Variants in CRY1 observed in about 807,000 individuals in gnomAD.
The protein encoded by CRY1 is cryptochrome-1.
In CRY1, 45 loss-of-function variants were observed where a neutral mutation model predicts 76.0. That is an observed-to-expected ratio of 0.59 (90% CI 0.47 to 0.76). The LOEUF is 0.76. CRY1 is among the 30% of genes least tolerant of loss of function. The pLI is 0.00. For synonymous variants in CRY1, 248 were observed against 244.0 expected, an observed-to-expected ratio of 1.02 and a Z score of -0.15; for missense variants, 587 against 716.4, an observed-to-expected ratio of 0.82 and a Z score of 2.06.
chr12:107,045,894 G>A (rs1027544279), intron 1 of CRY1, among the ~76,000 whole-genome samples: 1 of 152,040 alleles, frequency 6.6e-6, no homozygotes, highest in Admixed American at 6.5e-5. Context: ...CACCAACATG[G>A]CACATGTATA....
chr12:107,058,694 G>C (rs1429480087), intron 1 of CRY1, among the ~76,000 whole-genome samples: 1 of 152,146 alleles, frequency 6.6e-6, no homozygotes, highest in Non-Finnish European at 1.5e-5. Context: ...ATAGTATATG[G>C]CAAAGTAAAT....
intron 1 of CRY1, among the ~76,000 whole-genome samples, chr12:107,039,379 G>GA (rs367894431): frequency 7.9e-5 from 12 of 152,268 alleles, no homozygotes; most frequent in African/African-American, 2.9e-4. Flanking sequence ...TCAACAGAGA[G>GA]AAAAGCTCAC....
intron 1 of CRY1, among the ~76,000 whole-genome samples, chr12:107,080,179 A>G: frequency 6.6e-6 from 1 of 152,144 alleles, no homozygotes; most frequent in East Asian, 1.9e-4. Context: ...TAAGGACTCA[A>G]ATGGGCAAAT....
At chr12:106,998,729 G>C (rs1038637939) in intron 7 of CRY1, among the ~76,000 whole-genome samples, 5 of 150,396 alleles carry the variant, frequency 3.3e-5, no homozygotes, top group Admixed American at 2.7e-4. Context: ...CAAATGTATG[G>C]TATTGCCAGA....
At chr12:107,036,687 TCTCA>T (rs1211648751) in intron 1 of CRY1, among the ~76,000 whole-genome samples, 2 of 152,028 alleles carry the variant, frequency 1.3e-5, no homozygotes, top group African/African-American at 4.8e-5. Flanking sequence ...CTACTCTCCT[TCTCA>T]CTCACTCTGT....
intron 2 of CRY1, among the ~76,000 whole-genome samples, chr12:107,008,316 T>C (rs1472033445): frequency 6.6e-6 from 1 of 152,232 alleles, no homozygotes; most frequent in African/African-American, 2.4e-5. Flanking sequence ...CAAAATTAAA[T>C]GCATTCAGTA....
At chr12:107,003,884 G>A (rs1284015710) in intron 3 of CRY1, among the ~76,000 whole-genome samples, 1 of 147,658 alleles carries the variant, frequency 6.8e-6, no homozygotes, top group Non-Finnish European at 1.5e-5. Context: ...TTGGCTCACT[G>A]CAACGTCTGC....
intron 1 of CRY1, among the ~76,000 whole-genome samples, chr12:107,027,617 G>T (rs1315707294): frequency 6.6e-6 from 1 of 152,044 alleles, no homozygotes; most frequent in African/African-American, 2.4e-5. Flanking sequence ...AACATTTTAA[G>T]GATTTTTTTC....
chr12:107,034,909 G>C (rs1952717015), intron 1 of CRY1, among the ~76,000 whole-genome samples: 1 of 152,118 alleles, frequency 6.6e-6, no homozygotes, highest in Non-Finnish European at 1.5e-5. Context: ...ATGCCTCTCT[G>C]ATCTCAAAAA....
Position 107,093,170 on chromosome 12 carries a change from G to A in CRY1, c.-209C>T. 1 of 551,688 alleles carries A rather than the reference G, an allele frequency of 1.8e-6. No individual in the cohort carries two copies. Among genetic ancestry groups the A allele is most frequent in the Non-Finnish European group, 3.0e-6 (1 of 332,992 alleles). The allele number at this position is 551,688 out of a possible 1,614,324, so 34.2% of individuals were successfully genotyped here. Reference sequence around the variant, plus strand: ...TGGAAAGATGAATGGAGGTTGCCTAGTCGGCGGAGTCCGGGTGTGACGCCC... The same window carrying A: ...TGGAAAGATGAATGGAGGTTGCCTAATCGGCGGAGTCCGGGTGTGACGCCC... On this transcript the variant is annotated 5_prime_UTR_variant, in exon 1 of 13. Coordinates refer to ENST00000008527, the MANE Select transcript of CRY1 (RefSeq NM_004075.5).
chr12:106,999,498 T>G (rs1952275939), intron 7 of CRY1, 53 bp downstream of exon 7: 3 of 1,480,912 alleles, frequency 2.0e-6, no homozygotes, highest in Non-Finnish European at 2.7e-6. Context: ...TTTGTTTTAT[T>G]AAGGTAAGGA....
chr12:107,060,078 A>T (rs79842665), intron 1 of CRY1, among the ~76,000 whole-genome samples: 17,997 of 152,138 alleles, frequency 0.12, 1,728 homozygotes, highest in African/African-American at 0.25. Context: ...TTGATATTAT[A>T]TGCGTTGATA....
At chr12:107,079,842 AC>A (rs1468566789) in intron 1 of CRY1, among the ~76,000 whole-genome samples, 5 of 152,146 alleles carry the variant, frequency 3.3e-5, no homozygotes, top group African/African-American at 1.2e-4. Flanking sequence ...TTGAACTTTA[AC>A]CTAAGGGTAA....
intron 10 of CRY1, 30 bp from the exon 11 acceptor site, chr12:106,993,066 C>T: frequency 1.1e-5 from 18 of 1,605,902 alleles, no homozygotes; most frequent in Non-Finnish European, 1.5e-5. Context: ...AGTAAAATTA[C>T]TTAAAATCAA....
intron 1 of CRY1, among the ~76,000 whole-genome samples, chr12:107,035,315 G>A (rs937611181): frequency 8.5e-5 from 13 of 152,146 alleles, no homozygotes; most frequent in Non-Finnish European, 2.9e-5. Flanking sequence ...AATCTATCCA[G>A]TAATGTATCT....
intron 1 of CRY1, among the ~76,000 whole-genome samples, chr12:107,082,334 G>A (rs751453423): frequency 2.6e-5 from 4 of 151,972 alleles, no homozygotes; most frequent in East Asian, 1.9e-4. Flanking sequence ...ACTCAACTCC[G>A]GACCAAGCAG....
chr12:107,084,317 C>G (rs1953367652), intron 1 of CRY1, among the ~76,000 whole-genome samples: 1 of 152,040 alleles, frequency 6.6e-6, no homozygotes, highest in Non-Finnish European at 1.5e-5. Context: ...CTTCACAGAA[C>G]TAGAAACAAC....
At position 107,000,171 on chromosome 12, in the gene CRY1, A is replaced by T; in HGVS notation, c.685-89T>A. 4 of 1,318,904 alleles carry T rather than the reference A, an allele frequency of 3.0e-6. No homozygotes were observed. In the South Asian group the frequency reaches 6.4e-5, roughly 21 times the overall value. 81.7% of individuals were successfully genotyped at this position (1,318,904 alleles called of 1,614,324 possible). A position where few individuals can be genotyped will look rare whatever the true frequency, so the allele number is the denominator to read the frequency against. On this transcript the variant is annotated intron_variant, in intron 5 of 12. Coordinates refer to ENST00000008527, the MANE Select transcript of CRY1 (RefSeq NM_004075.5). ...AATGGAGATTTTTTTTTTTAAAGTT[A>T]CATAGTTCTTGGGGAATAAAATCTT...
intron 1 of CRY1, among the ~76,000 whole-genome samples, chr12:107,066,330 A>G (rs1223408670): frequency 6.6e-6 from 1 of 152,236 alleles, no homozygotes; most frequent in Non-Finnish European, 1.5e-5. Context: ...AATGGTGTAC[A>G]TAATATGATC....
Sources: gnomAD v4.1 joint callset for allele counts (sites outside exome capture counted in the v4.1 genomes callset) on GRCh38, gnomAD v4.1.1 for gene constraint, MANE v1.5 for transcripts, NCBI Gene and HGNC (gene_info 2026-07-23, HGNC 2026-07-21) for gene names.